The following FUT8 variants were observed in gnomAD, a reference collection of about 807,000 sequenced individuals.
The protein encoded by FUT8 is alpha-(1,6)-fucosyltransferase.
A neutral mutation model predicts 71.3 loss-of-function variants in FUT8; 29 were observed. That is an observed-to-expected ratio of 0.41 (90% CI 0.30 to 0.55). The LOEUF is 0.55. Ranked by LOEUF, FUT8 falls within the 20% of genes least tolerant of loss-of-function variation. FUT8 has a pLI of 0.34. For missense variants in FUT8, 544 were observed against 702.1 expected, an observed-to-expected ratio of 0.77 and a Z score of 2.55; for synonymous variants, 254 against 239.3, an observed-to-expected ratio of 1.06 and a Z score of -0.57.
chr14:65,606,239 AT>A (rs569441014), intron 3 of FUT8, among the ~76,000 whole-genome samples: 90 of 144,536 alleles, frequency 6.2e-4, no homozygotes, highest in Middle Eastern at 3.6e-3. Context: ...ACCCTGGCTA[AT>A]TTTTTTTTTT....
intron 1 of FUT8, among the ~76,000 whole-genome samples, chr14:65,449,383 T>C (rs2065788829): frequency 6.6e-6 from 1 of 152,248 alleles, no homozygotes; most frequent in African/African-American, 2.4e-5. Context: ...GAATCCATTT[T>C]AGTCTCTAGT....
chr14:65,553,695 A>G (rs945672570), intron 2 of FUT8, among the ~76,000 whole-genome samples: 5 of 151,706 alleles, frequency 3.3e-5, no homozygotes, highest in African/African-American at 4.8e-5. Flanking sequence ...GGTATTATCT[A>G]GAATGCTCAG....
chr14:65,445,815 A>G (rs1428225186), intron 1 of FUT8, among the ~76,000 whole-genome samples: 2 of 152,224 alleles, frequency 1.3e-5, no homozygotes, highest in Non-Finnish European at 2.9e-5. Context: ...AAAAAGTAGA[A>G]ACAGAGTCTC....
intron 6 of FUT8, chr14:65,646,202 C>T (rs1051360454): frequency 6.6e-5 from 10 of 152,210 alleles, no homozygotes; most frequent in African/African-American, 2.4e-4. Context: ...AGCAAATCTC[C>T]TAAGGAAGCT....
rs997933776 is a variant in FUT8 at position 65,698,253 on chromosome 14, A to C, written c.836-23522A>C. Among the ~76,000 whole-genome samples, 4 of 152,344 alleles carry C rather than the reference A, an allele frequency of 2.6e-5. No individual in the cohort carries two copies. The East Asian group carries it at 7.7e-4, about 29-fold the overall frequency. On this transcript the variant is annotated intron_variant, in intron 7 of 10. Coordinates refer to ENST00000673929, the MANE Select transcript of FUT8 (RefSeq NM_001371533.1). ...CTTCTTACATTACTGAATAACTAAAATATAGATTCTATAATGTTTATCGAA... is the reference window on the plus strand; with the variant it reads ...CTTCTTACATTACTGAATAACTAAACTATAGATTCTATAATGTTTATCGAA...
intron 2 of FUT8, among the ~76,000 whole-genome samples, chr14:65,534,336 A>C (rs1420049542): frequency 6.6e-6 from 1 of 151,260 alleles, no homozygotes; most frequent in Non-Finnish European, 1.5e-5. Flanking sequence ...TTAGAGATGG[A>C]GTTTCACCAT....
At chr14:65,556,814 A>G (rs1594766687) in intron 2 of FUT8, among the ~76,000 whole-genome samples, 1 of 152,222 alleles carries the variant, frequency 6.6e-6, no homozygotes, top group Non-Finnish European at 1.5e-5. Context: ...GCTGCATGGT[A>G]TGCTGAGGTG....
At chr14:65,588,124 G>C (rs1025720599) in intron 3 of FUT8, among the ~76,000 whole-genome samples, 1 of 134,238 alleles carries the variant, frequency 7.4e-6, no homozygotes, top group African/African-American at 3.3e-5. Flanking sequence ...ACTACCTACT[G>C]TTCTAGCTTA....
At chr14:65,385,235 T>A in the FUT8 span, among the ~76,000 whole-genome samples, 3 of 152,126 alleles carry the variant, frequency 2.0e-5, no homozygotes, top group Admixed American at 2.0e-4. Context: ...CTTAACAGTT[T>A]GTTGGGAATA....
At chr14:65,568,519 T>C (rs1443958444) in intron 3 of FUT8, among the ~76,000 whole-genome samples, 1 of 148,164 alleles carries the variant, frequency 6.7e-6, no homozygotes, top group Admixed American at 6.8e-5. Context: ...TGTATTGTGA[T>C]TTTTTTTTTC....
chr14:65,679,615 A>G (rs767602526), intron 7 of FUT8, among the ~76,000 whole-genome samples: 1 of 152,172 alleles, frequency 6.6e-6, no homozygotes, highest in Non-Finnish European at 1.5e-5. Flanking sequence ...AATTATTTCA[A>G]GTTTTTGCCA....
At chr14:65,690,943 C>CATTGATTTT (rs1566897810) in intron 7 of FUT8, among the ~76,000 whole-genome samples, 34 of 151,668 alleles carry the variant, frequency 2.2e-4, no homozygotes, top group African/African-American at 7.5e-4. Context: ...CCAGGCTGGT[C>CATTGATTTT]TCAAACTCCT....
intron 2 of FUT8, among the ~76,000 whole-genome samples, chr14:65,508,329 C>G (rs1480199878): frequency 6.6e-6 from 1 of 151,842 alleles, no homozygotes; most frequent in African/African-American, 2.4e-5. Context: ...CTCAACCTCC[C>G]AAAGTGCTAG....
At chr14:65,392,210 GCA>G in the FUT8 span, among the ~76,000 whole-genome samples, 2 of 152,214 alleles carry the variant, frequency 1.3e-5, no homozygotes, top group African/African-American at 4.8e-5. Flanking sequence ...GGGATTACAG[GCA>G]TGAGCCACCG....
intron 6 of FUT8, among the ~76,000 whole-genome samples, chr14:65,636,925 G>C (rs1460575727): frequency 6.6e-6 from 1 of 152,136 alleles, no homozygotes; most frequent in African/African-American, 2.4e-5. Flanking sequence ...ATAATACTCG[G>C]ATTGAAGACA....
intron 2 of FUT8, among the ~76,000 whole-genome samples, chr14:65,486,380 ATC>A (rs1436249103): frequency 6.6e-6 from 1 of 152,244 alleles, no homozygotes; most frequent in Non-Finnish European, 1.5e-5. Flanking sequence ...TTGTGATGAA[ATC>A]TGTTAGGAGT....
chr14:65,485,921 T>C lies in FUT8; in HGVS notation c.-228+30203T>C, dbSNP rs529293443. On this transcript the variant is annotated intron_variant, in intron 2 of 10. Transcript: ENST00000673929. ...GTTTCCTGTCTCTCTAGAATCGCTG[T>C]TCTTTGTTGCTTAATGTCCAGTTTC... Among the ~76,000 whole-genome samples the C allele has an allele frequency of 2.0e-5, 3 of 152,336 alleles. No individual in the cohort carries two copies. The East Asian group carries it at 5.8e-4, about 29-fold the overall frequency.
intron 3 of FUT8, among the ~76,000 whole-genome samples, chr14:65,590,485 C>T (rs925790539): frequency 2.0e-5 from 3 of 152,078 alleles, no homozygotes; most frequent in Admixed American, 6.5e-5. Context: ...CTTAAGATGT[C>T]TCTCTGTTTC....
intron 1 of FUT8, among the ~76,000 whole-genome samples, chr14:65,444,630 A>C (rs1373555377): frequency 6.6e-6 from 1 of 152,236 alleles, no homozygotes; most frequent in Non-Finnish European, 1.5e-5. Flanking sequence ...AACTGTTGAT[A>C]CGTGTGTTGT....
Sources: gnomAD v4.1 joint callset for allele counts (sites outside exome capture counted in the v4.1 genomes callset) on GRCh38, gnomAD v4.1.1 for gene constraint, MANE v1.5 for transcripts, NCBI Gene and HGNC (gene_info 2026-07-23, HGNC 2026-07-21) for gene names.